The following LIMS4 variants were observed in gnomAD, a reference collection of about 807,000 sequenced individuals.
LIMS4 encodes the protein LIM and senescent cell antigen-like-containing domain protein 4.
chr2:110,411,812 C>T, the LIMS4 span, among the ~76,000 whole-genome samples: 5 of 58,394 alleles, frequency 8.6e-5, no homozygotes, highest in Admixed American at 2.1e-4. Flanking sequence ...CTTACACTAA[C>T]GTTTCAAAGC....
the LIMS4 span, among the ~76,000 whole-genome samples, chr2:110,426,552 A>G: frequency 1.6e-5 from 1 of 62,744 alleles, no homozygotes; most frequent in Non-Finnish European, 2.8e-5. Context: ...GCTTCCAGTT[A>G]TAAGTGAGAA....
the LIMS4 span, among the ~76,000 whole-genome samples, chr2:110,389,767 G>A: frequency 7.0e-6 from 1 of 143,628 alleles, no homozygotes; most frequent in Non-Finnish European, 1.5e-5. Flanking sequence ...TAGGATGGGA[G>A]GAGAAGCAGA....
At chr2:110,361,937 G>T in the LIMS4 span, 8 of 1,430,894 alleles carry the variant, frequency 5.6e-6, no homozygotes, top group Middle Eastern at 1.7e-4. Context: ...CTTCAGAGCA[G>T]CCACATCAGA....
the LIMS4 span, among the ~76,000 whole-genome samples, chr2:110,367,932 G>A: frequency 6.9e-6 from 1 of 144,612 alleles, no homozygotes; most frequent in South Asian, 2.2e-4. Flanking sequence ...TGTCCTAAAT[G>A]TCACCAAATG....
At chr2:110,360,706 C>A in the LIMS4 span, 1 of 1,604,378 alleles carries the variant, frequency 6.2e-7, no homozygotes, top group Non-Finnish European at 8.5e-7. Flanking sequence ...AGTTTTTGCG[C>A]ACACTTTGCA....
the LIMS4 span, among the ~76,000 whole-genome samples, chr2:110,367,043 A>G: frequency 6.6e-6 from 1 of 151,168 alleles, no homozygotes; most frequent in Non-Finnish European, 1.5e-5. Flanking sequence ...GAAAACAAGA[A>G]TTACAAAGCA....
the LIMS4 span, among the ~76,000 whole-genome samples, chr2:110,379,214 GC>G: frequency 1.3e-5 from 2 of 151,756 alleles, no homozygotes; most frequent in Non-Finnish European, 2.9e-5. Flanking sequence ...TTGGTTGCTT[GC>G]TTGCTTGCTT....
chr2:110,389,745 G>A, the LIMS4 span, among the ~76,000 whole-genome samples: 1 of 141,734 alleles, frequency 7.1e-6, no homozygotes, highest in Non-Finnish European at 1.5e-5. Flanking sequence ...CATCACAGGG[G>A]GTGACTAAGG....
the LIMS4 span, among the ~76,000 whole-genome samples, chr2:110,368,318 T>G: frequency 6.6e-6 from 1 of 152,108 alleles, no homozygotes; most frequent in African/African-American, 2.4e-5. Context: ...TATGTAGCAC[T>G]CTGCCACTCT....
At chr2:110,361,134 C>A in the LIMS4 span, 1 of 948,710 alleles carries the variant, frequency 1.1e-6, no homozygotes, top group South Asian at 1.4e-5. Flanking sequence ...TCATTGATGG[C>A]GTCTATCATT....
the LIMS4 span, among the ~76,000 whole-genome samples, chr2:110,424,580 G>T: frequency 6.9e-6 from 1 of 145,088 alleles, no homozygotes; most frequent in Non-Finnish European, 1.5e-5. Context: ...GAGGCCTGGA[G>T]GGACTGTGAC....
chr2:110,424,570 G>A, the LIMS4 span, among the ~76,000 whole-genome samples: 5 of 145,130 alleles, frequency 3.4e-5, 1 homozygote, highest in African/African-American at 5.5e-5. Flanking sequence ...AGAGGAGGGA[G>A]AGGCCTGGAG....
the LIMS4 span, chr2:110,397,412 C>T: frequency 3.4e-5 from 5 of 146,996 alleles, no homozygotes; most frequent in African/African-American, 1.0e-4. Flanking sequence ...AAAATGCTTC[C>T]TATAATTGCT....
chr2:110,367,582 G>A, the LIMS4 span, among the ~76,000 whole-genome samples: 2 of 138,526 alleles, frequency 1.4e-5, no homozygotes, highest in Non-Finnish European at 3.0e-5. Flanking sequence ...TAACTCAAGA[G>A]GGATTAAAGA....
the LIMS4 span, among the ~76,000 whole-genome samples, chr2:110,392,654 C>T: frequency 6.6e-6 from 1 of 151,754 alleles, no homozygotes; most frequent in Non-Finnish European, 1.5e-5. Context: ...CAGCAGCACA[C>T]TTTAGATGAT....
chr2:110,360,682 G>C, the LIMS4 span: 1 of 1,598,824 alleles, frequency 6.3e-7, no homozygotes, highest in Non-Finnish European at 8.5e-7. Context: ...TTTTAAGGCA[G>C]CTTCAGTTTC....
the LIMS4 span, among the ~76,000 whole-genome samples, chr2:110,425,251 G>A: frequency 7.0e-6 from 1 of 143,592 alleles, no homozygotes; most frequent in Non-Finnish European, 1.5e-5. Context: ...GCTGGGCATG[G>A]TGGCAAACCT....
At chr2:110,390,305 G>A in the LIMS4 span, among the ~76,000 whole-genome samples, 1 of 141,834 alleles carries the variant, frequency 7.1e-6, no homozygotes, top group South Asian at 2.2e-4. Context: ...ACCCCAGTGT[G>A]GGAGCCTCAG....
At chr2:110,372,703 G>T in the LIMS4 span, among the ~76,000 whole-genome samples, 2 of 148,774 alleles carry the variant, frequency 1.3e-5, no homozygotes, top group South Asian at 2.1e-4. Flanking sequence ...ATGGGGTTTT[G>T]CCATGTTGGC....
Sources: gnomAD v4.1 joint callset for allele counts (sites outside exome capture counted in the v4.1 genomes callset) on GRCh38, gnomAD v4.1.1 for gene constraint, MANE v1.5 for transcripts, NCBI Gene and HGNC (gene_info 2026-07-23, HGNC 2026-07-21) for gene names.